The following CD84 variants were observed in gnomAD, a reference collection of about 807,000 sequenced individuals.
CD84 encodes SLAM family member 5.
A neutral mutation model predicts 33.8 loss-of-function variants in CD84; 22 were observed. The ratio of observed to expected loss-of-function variants is 0.65; its 90% CI spans 0.46 to 0.93. The LOEUF is 0.93. Ranked by LOEUF, CD84 falls within the 40% of genes least tolerant of loss-of-function variation. CD84 has a pLI of 0.00. For missense variants in CD84, 400 were observed against 397.6 expected, an observed-to-expected ratio of 1.01 and a Z score of -0.05; for synonymous variants, 154 against 145.2, an observed-to-expected ratio of 1.06 and a Z score of -0.44.
At chr1:160,560,533 CA>C (rs1656884478) in intron 2 of CD84, among the ~76,000 whole-genome samples, 1 of 152,008 alleles carries the variant, frequency 6.6e-6, no homozygotes, top group Non-Finnish European at 1.5e-5. Context: ...ATGCCCACAT[CA>C]AAAAGCTAGA....
chr1:160,578,370 G>T (rs1323240034), intron 1 of CD84, among the ~76,000 whole-genome samples: 1 of 152,144 alleles, frequency 6.6e-6, no homozygotes, highest in Non-Finnish European at 1.5e-5. Flanking sequence ...AGAGCGACCA[G>T]CAGAGGCTCC....
chr1:160,549,196 C>A (rs1322784887), intron 6 of CD84, among the ~76,000 whole-genome samples: 1 of 152,156 alleles, frequency 6.6e-6, no homozygotes, highest in African/African-American at 2.4e-5. Context: ...TAGATGTCCT[C>A]CCTATTGCCT....
intron 2 of CD84, among the ~76,000 whole-genome samples, chr1:160,560,113 A>G (rs1429706550): frequency 1.3e-5 from 2 of 152,216 alleles, no homozygotes; most frequent in African/African-American, 4.8e-5. Context: ...AAAGATATTC[A>G]GAACCTAAAC....
At chr1:160,579,280 C>A in intron 1 of CD84, 112 bp downstream of exon 1, 2 of 1,457,570 alleles carry the variant, frequency 1.4e-6, no homozygotes, top group Non-Finnish European at 1.9e-6. Flanking sequence ...ATACTGAGAC[C>A]CAGGGTGTTC....
intron 1 of CD84, among the ~76,000 whole-genome samples, chr1:160,568,070 C>T (rs1657438153): frequency 1.3e-5 from 2 of 152,150 alleles, no homozygotes. Flanking sequence ...TTTTTGAAGT[C>T]AGGCCCTAGT....
intron 1 of CD84, among the ~76,000 whole-genome samples, chr1:160,573,349 T>C (rs1657807832): frequency 6.6e-6 from 1 of 152,054 alleles, no homozygotes; most frequent in Non-Finnish European, 1.5e-5. Flanking sequence ...CCCATAATTC[T>C]CCTTAGATTC....
intron 2 of CD84, among the ~76,000 whole-genome samples, chr1:160,564,880 T>G (rs916947593): frequency 6.6e-6 from 1 of 152,190 alleles, no homozygotes; most frequent in Non-Finnish European, 1.5e-5. Flanking sequence ...GCTACACACA[T>G]ACTCACACAT....
rs771175990 is a variant in CD84 at position 160,548,308 on chromosome 1, C to A, written c.935G>T (p.Ser312Ile). 1 of 1,614,178 alleles carries A rather than the reference C, an allele frequency of 6.2e-7. No individual in the cohort carries two copies. The change falls in exon 7 of 7, where the codon AGC (serine) becomes ATC (isoleucine). Residue 312 changes from serine to isoleucine, a missense_variant. Ser to Ile is a moderately radical substitution (Grantham distance 142). Coordinates refer to ENST00000368054, the MANE Select transcript of CD84 (RefSeq NM_003874.4). Reference protein sequence around the residue: ...VQFADKMGKASTQDSKPPGTS... With the variant: ...VQFADKMGKAITQDSKPPGTS... ...CCCAGGAGGTTTACTGTCCTGTGTGCTGGCTTTCCCCATCTGTGCAGGAGA... is the reference window on the plus strand; with the variant it reads ...CCCAGGAGGTTTACTGTCCTGTGTGATGGCTTTCCCCATCTGTGCAGGAGA...
Position 160,570,767 on chromosome 1 carries a change from T to G in CD84, c.47-5022A>C, listed in dbSNP as rs573212369. Among the ~76,000 whole-genome samples, 11 of 152,082 alleles carry G rather than the reference T, an allele frequency of 7.2e-5. No homozygotes were observed. In the East Asian group the frequency reaches 2.1e-3, roughly 29 times the overall value. ...GTCCCAGCTGCCCAGGAGGCTGAGA[T>G]GAGAGGATCACCTGAGCCCAAGGGG... is the stretch of plus-strand genomic sequence containing the variant. On this transcript the variant is annotated intron_variant, in intron 1 of 6. Coordinates refer to ENST00000368054, the MANE Select transcript of CD84 (RefSeq NM_003874.4).
intron 5 of CD84, 113 bp from the exon 6 acceptor site, chr1:160,550,092 G>A: frequency 3.8e-6 from 3 of 785,708 alleles, no homozygotes; most frequent in Non-Finnish European, 6.6e-6. Context: ...TTACTGGGTG[G>A]CCTCCCCTTT....
intron 2 of CD84, 86 bp from the exon 3 acceptor site, chr1:160,554,232 T>G (rs760189189): frequency 7.2e-5 from 93 of 1,287,790 alleles, no homozygotes; most frequent in Non-Finnish European, 7.3e-5. Flanking sequence ...TCTCAGAAAT[T>G]TGCAAGCCAT....
At position 160,579,477 on chromosome 1, in the gene CD84, TG is replaced by T. The variant is rs764580283; in HGVS notation, c.-41del. On this transcript the variant is annotated 5_prime_UTR_variant, in exon 1 of 7. Transcript: ENST00000368054. ...AACCTTCTGTGGAAAAGCACGGCAC[TG>T]TTCTAGCAGAGTCAGTTTCACTTGA... The T allele has an allele frequency of 3.2e-5, 52 of 1,611,692 alleles. 1 individual carries two copies. In the South Asian group the frequency reaches 5.3e-4, roughly 16 times the overall value.
At chr1:160,573,213 G>A (rs1657801308) in intron 1 of CD84, among the ~76,000 whole-genome samples, 1 of 152,118 alleles carries the variant, frequency 6.6e-6, no homozygotes, top group African/African-American at 2.4e-5. Flanking sequence ...AGATTGTTGA[G>A]GTATGAGGCT....
At position 160,560,884 on chromosome 1, in the gene CD84, A is replaced by G. The variant is rs181746745; in HGVS notation, c.388+4520T>C. The stretch of plus-strand genomic sequence containing the variant: ...ATAAATATCTCTATGTACATAAACT[A>G]GAAAATATAGAAGAAATGGATAAAT... On this transcript the variant is annotated intron_variant, in intron 2 of 6. Transcript: ENST00000368054. 2.0e-5 allele frequency among the ~76,000 whole-genome samples: 3 copies of G among 152,334 alleles called. No individual in the cohort carries two copies. The East Asian group carries it at 5.8e-4, about 29-fold the overall frequency.
chr1:160,568,087 T>A (rs1039765620), intron 1 of CD84, among the ~76,000 whole-genome samples: 2 of 152,200 alleles, frequency 1.3e-5, no homozygotes, highest in African/African-American at 4.8e-5. Flanking sequence ...TAGTGCTTAA[T>A]TGCCACACCA....
Position 160,565,691 on chromosome 1 carries a change from C to T in CD84, c.101G>A (p.Gly34Glu), listed in dbSNP as rs764714646. 1.7e-5 allele frequency: 28 copies of T among 1,613,396 alleles called. No homozygotes were observed. In the African/African-American group the frequency reaches 2.3e-4, roughly 13 times the overall value. The part of the protein sequence containing the change: ...SEIFTVNGIL[G>E]ESVTFPVNIQ... ...ATTTACAGGGAAAGTGACTGACTCT[C>T]CCAGAATCCCATTCACTGTGAAGAT... Residue 34 changes from glycine (G) to glutamate (E), a missense_variant, in exon 2 of 7, where the codon GGA becomes GAA. Transcript: ENST00000368054.
intron 4 of CD84, chr1:160,553,127 T>C: frequency 1.6e-6 from 1 of 624,236 alleles, no homozygotes; most frequent in Non-Finnish European, 2.9e-6. Flanking sequence ...CTTGTTCATG[T>C]ATGTACTAAG....
At position 160,548,976 on chromosome 1, in the gene CD84, T is replaced by C. The variant is rs548096532; in HGVS notation, c.922-655A>G. On this transcript the variant is annotated intron_variant, in intron 6 of 6. Transcript: ENST00000368054. ...ACAAATATGCTGGGCACCCTGACCCTCACTTCTTGCCTGTCCTCCTTTTCT... is the reference window on the plus strand; with the variant it reads ...ACAAATATGCTGGGCACCCTGACCCCCACTTCTTGCCTGTCCTCCTTTTCT... Among the ~76,000 whole-genome samples the C allele has an allele frequency of 2.5e-3, 387 of 152,280 alleles. 3 individuals are homozygous for C. The highest frequency in any genetic ancestry group is 6.1e-3 in the Admixed American group (94 of 15,292).
At chr1:160,552,685 C>T in intron 4 of CD84, 5 of 1,534,124 alleles carry the variant, frequency 3.3e-6, no homozygotes, top group East Asian at 2.4e-5. Context: ...ATTCAAGGAA[C>T]TTTGTGGCTG....
Sources: allele counts gnomAD v4.1 joint callset (sites outside exome capture counted in the v4.1 genomes callset), GRCh38; gene constraint gnomAD v4.1.1; transcripts MANE v1.5; gene names NCBI Gene and HGNC (gene_info 2026-07-23, HGNC 2026-07-21).